RPS6KB1: variants seen among roughly 807,000 people sequenced by gnomAD.
RPS6KB1 encodes ribosomal protein S6 kinase B1.
A neutral mutation model predicts 70.2 loss-of-function variants in RPS6KB1; 12 were observed. The ratio of observed to expected loss-of-function variants is 0.17; its 90% CI spans 0.11 to 0.28. RPS6KB1 has a LOEUF of 0.28. RPS6KB1 is among the 10% of genes least tolerant of loss of function. The pLI, the probability that RPS6KB1 is intolerant of heterozygous loss-of-function variation, is 1.00. For synonymous variants in RPS6KB1, 175 were observed against 211.2 expected (o/e 0.83, Z 1.49); for missense variants, 270 against 646.6 (o/e 0.42, Z 6.32).
At position 59,943,826 on chromosome 17, in the gene RPS6KB1, C is replaced by T. The variant is rs1042890721; in HGVS notation, c.1228-1580C>T. ...AGGAGGTTGTAATGAGCTGAGATCA[C>T]GCCCCTCACTGCACTCCAGCCTGGG... On this transcript the variant is annotated intron_variant, in intron 13 of 14. Coordinates refer to ENST00000225577, the MANE Select transcript of RPS6KB1 (RefSeq NM_003161.4). Among the ~76,000 whole-genome samples, 11 of 148,892 alleles carry T rather than the reference C, an allele frequency of 7.4e-5. No homozygotes were observed. The East Asian group carries it at 9.8e-4, about 13-fold the overall frequency.
intron 2 of RPS6KB1, 46 bp downstream of exon 2, chr17:59,910,657 G>A (rs750927487): frequency 3.0e-5 from 38 of 1,282,488 alleles, no homozygotes; most frequent in Non-Finnish European, 4.3e-5. Context: ...TTTCTTACAA[G>A]TAGGTTTTAT....
intron 4 of RPS6KB1, among the ~76,000 whole-genome samples, chr17:59,924,461 GATTTT>G (rs1329852750): frequency 2.0e-5 from 3 of 151,652 alleles, no homozygotes; most frequent in African/African-American, 7.3e-5. Context: ...CATCCTTGTT[GATTTT>G]ATTTTATTTT....
chr17:59,942,709 A>G (rs1247221773), intron 13 of RPS6KB1, among the ~76,000 whole-genome samples: 1 of 152,186 alleles, frequency 6.6e-6, no homozygotes, highest in African/African-American at 2.4e-5. Flanking sequence ...GGGATGGGAA[A>G]TAAGCTCTAA....
chr17:59,929,631 A>G (rs1278890412), intron 5 of RPS6KB1, among the ~76,000 whole-genome samples: 1 of 152,156 alleles, frequency 6.6e-6, no homozygotes, highest in Non-Finnish European at 1.5e-5. Context: ...TATTATCATT[A>G]TTTATTTTGA....
At chr17:59,925,111 G>A (rs1205188093) in intron 4 of RPS6KB1, among the ~76,000 whole-genome samples, 4 of 152,056 alleles carry the variant, frequency 2.6e-5, no homozygotes, top group South Asian at 2.1e-4. Context: ...GATTACAGGC[G>A]TGAGCCACTG....
chr17:59,940,681 A>G (rs1167199975), intron 12 of RPS6KB1, among the ~76,000 whole-genome samples, 155 bp from the exon 13 acceptor site: 2 of 151,988 alleles, frequency 1.3e-5, no homozygotes, highest in African/African-American at 2.4e-5. Flanking sequence ...AGTACTTTCC[A>G]CCTACATTTT....
intron 4 of RPS6KB1, among the ~76,000 whole-genome samples, chr17:59,921,049 G>A (rs542987322): frequency 1.1e-4 from 16 of 152,216 alleles, no homozygotes; most frequent in Non-Finnish European, 1.9e-4. Context: ...TATTTATGTC[G>A]GATAATCAGG....
At chr17:59,910,094 G>A (rs775317762) in intron 1 of RPS6KB1, among the ~76,000 whole-genome samples, 5 of 151,870 alleles carry the variant, frequency 3.3e-5, no homozygotes, top group African/African-American at 4.8e-5. Context: ...GGCTGAGGTA[G>A]GAGAAACACT....
At chr17:59,943,387 C>T (rs903870543) in intron 13 of RPS6KB1, among the ~76,000 whole-genome samples, 1 of 152,128 alleles carries the variant, frequency 6.6e-6, no homozygotes, top group Admixed American at 6.5e-5. Context: ...GTTTTCCCCC[C>T]ACAAAATAGA....
chr17:59,943,959 A>G (rs2044772970), intron 13 of RPS6KB1, among the ~76,000 whole-genome samples: 1 of 150,564 alleles, frequency 6.6e-6, no homozygotes, highest in Non-Finnish European at 1.5e-5. Context: ...GTGACATCCC[A>G]CTTATCTGGA....
intron 7 of RPS6KB1, among the ~76,000 whole-genome samples, chr17:59,933,830 G>A (rs920486763): frequency 6.6e-5 from 10 of 152,140 alleles, no homozygotes; most frequent in African/African-American, 2.4e-4. Flanking sequence ...ACGTAAACTA[G>A]ACTTCATAAA....
In RPS6KB1 at chr17:59,946,718, C is replaced by G. The variant is rs760585468; in HGVS notation, c.1508C>G (p.Ser503Cys). 22 of 1,614,168 alleles carry G rather than the reference C, an allele frequency of 1.4e-5. No homozygotes were observed. The highest frequency in any genetic ancestry group is 1.8e-5 in the Non-Finnish European group (21 of 1,180,028). The change falls in exon 15 of 15, where the codon TCT becomes TGT. Residue 503 changes from serine to cysteine, a missense_variant. Coordinates refer to ENST00000225577, the MANE Select transcript of RPS6KB1 (RefSeq NM_003161.4). This position sits in a 1 kb window ranked among gnomAD's most constrained non-coding sequence, Gnocchi z 4.2. ...CCACTTCCAATACGACAGCCGAACT[C>G]TGGGCCATACAAAAAACAAGCTTTT... ...SAPLPIRQPN[S>C]GPYKKQAFPM...
rs534954253 is a variant in RPS6KB1 at position 59,930,015 on chromosome 17, G to A, written c.530-102G>A. On this transcript the variant is annotated intron_variant, in intron 5 of 14. Transcript: ENST00000225577. Reference sequence around the variant, plus strand: ...TGTTTTTCATTTTTAAGGGGCTGATGTCTTTTAATTATGGTTAGAAGGAAA... The same window carrying A: ...TGTTTTTCATTTTTAAGGGGCTGATATCTTTTAATTATGGTTAGAAGGAAA... 68 of 698,880 alleles carry A rather than the reference G, an allele frequency of 9.7e-5. No homozygotes were observed. In the African/African-American group the frequency reaches 1.1e-3, roughly 11 times the overall value. 43.3% of individuals were successfully genotyped at this position (698,880 alleles called of 1,614,324 possible). A position where few individuals can be genotyped will look rare whatever the true frequency, so the allele number is the denominator to read the frequency against.
intron 1 of RPS6KB1, among the ~76,000 whole-genome samples, chr17:59,903,835 ATTTTC>A (rs1291760987): frequency 6.6e-6 from 1 of 151,972 alleles, no homozygotes; most frequent in African/African-American, 2.4e-5. Context: ...TCATTTGTAT[ATTTTC>A]TTTGGAGAAA....
In RPS6KB1 at chr17:59,942,060, G is replaced by T. The variant is rs535987846; in HGVS notation, c.1227+1117G>T. ...TTTGTAGTAGAGACGGGGTTTCATCGTGTTAGCCAGGATAGTTTTGATCTC... is the reference window on the plus strand; with the variant it reads ...TTTGTAGTAGAGACGGGGTTTCATCTTGTTAGCCAGGATAGTTTTGATCTC... On this transcript the variant is annotated intron_variant, in intron 13 of 14. Transcript: ENST00000225577. Among the ~76,000 whole-genome samples the T allele has an allele frequency of 2.2e-4, 34 of 151,908 alleles. 1 individual carries two copies. The highest frequency in any genetic ancestry group is 2.2e-3 in the Admixed American group (33 of 15,276).
At chr17:59,943,544 G>A (rs1221472029) in intron 13 of RPS6KB1, among the ~76,000 whole-genome samples, 2 of 152,000 alleles carry the variant, frequency 1.3e-5, no homozygotes, top group African/African-American at 4.8e-5. Flanking sequence ...TTAGGTTGTA[G>A]CCAGAATTCT....
chr17:59,898,304 T>C (rs1355340183), intron 1 of RPS6KB1, among the ~76,000 whole-genome samples: 7 of 152,160 alleles, frequency 4.6e-5, no homozygotes, highest in Admixed American at 4.6e-4. Context: ...ATCAGATTTT[T>C]ATTGAGTAAA....
In RPS6KB1 at chr17:59,912,836, T is replaced by C. The variant is rs1418178720; in HGVS notation, c.312+32T>C. The stretch of plus-strand genomic sequence containing the variant: ...AATATTTTTGAAATGAGAGCTGTTG[T>C]CTGTCTTGAATAGATTGATTTTTAT... On this transcript the variant is annotated intron_variant, in intron 3 of 14. Transcript: ENST00000225577. 1.9e-6 allele frequency: 3 copies of C among 1,610,926 alleles called. No individual in the cohort carries two copies. In the South Asian group the frequency reaches 3.3e-5, roughly 18 times the overall value.
At chr17:59,945,900 G>C (rs779702641) in intron 14 of RPS6KB1, among the ~76,000 whole-genome samples, 1 of 151,990 alleles carries the variant, frequency 6.6e-6, no homozygotes, top group Non-Finnish European at 1.5e-5. Flanking sequence ...AATAGACAAA[G>C]GATATACAAA....
Sources: allele counts gnomAD v4.1 joint callset (sites outside exome capture counted in the v4.1 genomes callset), GRCh38; gene constraint gnomAD v4.1.1; non-coding constraint Gnocchi (gnomAD v3.1); transcripts MANE v1.5; gene names NCBI Gene and HGNC (gene_info 2026-07-23, HGNC 2026-07-21).